RNF125: variants seen among roughly 807,000 people sequenced by gnomAD.
RNF125 encodes ring finger protein 125.
Under a neutral mutation model 26.0 loss-of-function variants are expected in RNF125, and 21 were observed. The ratio of observed to expected loss-of-function variants is 0.81; its 90% CI spans 0.57 to 1.16. The LOEUF (loss-of-function observed/expected upper bound fraction) is 1.16. Ranked by LOEUF, RNF125 falls within the 50% of genes most tolerant of loss-of-function variation. RNF125 has a pLI of 0.00. For missense variants in RNF125, 270 were observed against 299.4 expected (o/e 0.90, Z 0.72); for synonymous variants, 95 against 109.2 (o/e 0.87, Z 0.81).
chr18:32,046,214 C>CAAA lies in RNF125; in HGVS notation c.504+503_504+505dup, dbSNP rs768054716. Reference sequence around the variant, plus strand: ...CCTGGGCAACAGAGCAAGACTGTCTCAAAAAAAAAAAAAAAAAAAAAAAGA... The same window carrying CAAA: ...CCTGGGCAACAGAGCAAGACTGTCTCAAAAAAAAAAAAAAAAAAAAAAAAAAGA... On this transcript the variant is annotated intron_variant, in intron 4 of 5. Coordinates refer to ENST00000217740, the MANE Select transcript of RNF125 (RefSeq NM_017831.4). Among the ~76,000 whole-genome samples, 156 of 75,904 alleles carry CAAA rather than the reference C, an allele frequency of 2.1e-3. 1 individual carries two copies. Among genetic ancestry groups the CAAA allele is most frequent in the Non-Finnish European group, 2.3e-3 (99 of 43,312 alleles). 49.8% of individuals were successfully genotyped at this position (75,904 alleles called of 152,430 possible). A position where few individuals can be genotyped will look rare whatever the true frequency, so the allele number is the denominator to read the frequency against.
the RNF125 span, among the ~76,000 whole-genome samples, chr18:32,082,480 G>A: frequency 2.0e-5 from 3 of 152,182 alleles, no homozygotes; most frequent in South Asian, 6.2e-4. Flanking sequence ...TGTGAATTCA[G>A]ATCACCAGGC....
chr18:32,081,502 A>G, the RNF125 span, among the ~76,000 whole-genome samples: 2 of 152,278 alleles, frequency 1.3e-5, no homozygotes, highest in Non-Finnish European at 1.5e-5. Flanking sequence ...AGCACAGAAC[A>G]TTGTTTGCTT....
At position 32,026,671 on chromosome 18, in the gene RNF125, G is replaced by A. The variant is rs139917889; in HGVS notation, c.164+7644G>A. Among the ~76,000 whole-genome samples, 213 of 152,272 alleles carry A rather than the reference G, an allele frequency of 1.4e-3. 4 individuals carry two copies. The highest frequency in any genetic ancestry group is 4.8e-3 in the African/African-American group (201 of 41,548). ...CTCCTCACCTGTTTGGTTCCCAGCT[G>A]TAGCAGGAGGTATGTCTCTCTGGCC... On this transcript the variant is annotated intron_variant, in intron 1 of 5. Coordinates refer to ENST00000217740, the MANE Select transcript of RNF125 (RefSeq NM_017831.4).
At chr18:32,083,663 G>A in the RNF125 span, among the ~76,000 whole-genome samples, 1 of 152,134 alleles carries the variant, frequency 6.6e-6, no homozygotes, top group African/African-American at 2.4e-5. Flanking sequence ...TGTAATCCCA[G>A]CACTTTGGGA....
In RNF125 at chr18:32,068,417, A is replaced by G. The variant is rs147034251; in HGVS notation, c.*33A>G. On this transcript the variant is annotated 3_prime_UTR_variant, in exon 6 of 6. Transcript: ENST00000217740. ...AAAACGAAGGGAAAAGGGACCACTG[A>G]ATTGCACCATTTAAGATGCTGCTTG... 2.8e-5 allele frequency: 34 copies of G among 1,221,502 alleles called. No homozygotes were observed. Among genetic ancestry groups the G allele is most frequent in the Non-Finnish European group, 4.0e-5 (33 of 825,976 alleles). 75.7% of individuals were successfully genotyped at this position (1,221,502 alleles called of 1,614,324 possible).
At chr18:32,085,258 G>C in the RNF125 span, among the ~76,000 whole-genome samples, 2 of 152,128 alleles carry the variant, frequency 1.3e-5, no homozygotes, top group Admixed American at 1.3e-4. Flanking sequence ...TGACAGTGAA[G>C]CAAATACACA....
At chr18:32,078,640 T>TA in the RNF125 span, among the ~76,000 whole-genome samples, 12 of 144,738 alleles carry the variant, frequency 8.3e-5, no homozygotes, top group Non-Finnish European at 7.6e-5. Context: ...ACCAAATCTC[T>TA]AAAAAAAAAA....
intron 4 of RNF125, among the ~76,000 whole-genome samples, chr18:32,055,248 A>G (rs1290250113): frequency 1.3e-5 from 2 of 151,094 alleles, no homozygotes; most frequent in East Asian, 2.0e-4. Flanking sequence ...GCAGTGAGCT[A>G]TGATGGCACC....
downstream of RNF125, among the ~76,000 whole-genome samples, chr18:32,077,626 G>A (rs2039579172): frequency 6.6e-6 from 1 of 151,890 alleles, no homozygotes; most frequent in Non-Finnish European, 1.5e-5. Context: ...CTCCCAAATT[G>A]CTGGGATTAC....
intron 2 of RNF125, among the ~76,000 whole-genome samples, chr18:32,041,251 A>C (rs1259500861): frequency 2.0e-5 from 3 of 152,200 alleles, no homozygotes; most frequent in Non-Finnish European, 4.4e-5. Context: ...GCATTGATCA[A>C]AATGGACTGC....
chr18:32,033,449 C>T (rs1026134336), intron 1 of RNF125, among the ~76,000 whole-genome samples: 12 of 151,528 alleles, frequency 7.9e-5, no homozygotes, highest in Non-Finnish European at 1.6e-4. Context: ...TGTTTGAACT[C>T]AGGAGGTGGA....
At chr18:32,067,788 G>T (rs1470415822) in intron 5 of RNF125, among the ~76,000 whole-genome samples, 1 of 152,200 alleles carries the variant, frequency 6.6e-6, no homozygotes, top group Non-Finnish European at 1.5e-5. Flanking sequence ...GATTGCAGAG[G>T]ATAGGGTTCT....
intron 1 of RNF125, among the ~76,000 whole-genome samples, chr18:32,028,867 C>T (rs115689101): frequency 0.011 from 1,723 of 152,150 alleles, 27 homozygotes; most frequent in African/African-American, 0.037. Flanking sequence ...TTCTTTACCA[C>T]TAAGTTGCTT....
intron 4 of RNF125, among the ~76,000 whole-genome samples, chr18:32,061,867 T>C (rs1237942806): frequency 2.6e-5 from 4 of 152,130 alleles, no homozygotes; most frequent in Non-Finnish European, 5.9e-5. Context: ...TAATAGTAAA[T>C]GGTGTATTAT....
At chr18:32,077,173 A>C (rs1293590198), downstream of RNF125, among the ~76,000 whole-genome samples, 1 of 152,116 alleles carries the variant, frequency 6.6e-6, no homozygotes, top group Non-Finnish European at 1.5e-5. Flanking sequence ...ACACATATAC[A>C]TCATCAGTGT....
In RNF125 at chr18:32,041,926, G is replaced by T. The variant is rs561322886; in HGVS notation, c.319-253G>T. Reference sequence around the variant, plus strand: ...ATTACAGGCGTGAGCCACCGCGCCCGGCCGTATATGCTTTTTAGAAGAACC... The same window carrying T: ...ATTACAGGCGTGAGCCACCGCGCCCTGCCGTATATGCTTTTTAGAAGAACC... On this transcript the variant is annotated intron_variant, in intron 2 of 5. Transcript: ENST00000217740. 2.1e-4 allele frequency: 80 copies of T among 374,892 alleles called. 1 individual carries two copies. The highest frequency in any genetic ancestry group is 1.9e-3 in the South Asian group (77 of 40,048). 23.2% of individuals were successfully genotyped at this position (374,892 alleles called of 1,614,324 possible).
At chr18:32,085,416 A>AGAGAGAGAGAGAGAG in the RNF125 span, among the ~76,000 whole-genome samples, 25 of 125,062 alleles carry the variant, frequency 2.0e-4, no homozygotes, top group African/African-American at 5.6e-4. Context: ...AGAGAGAGAG[A>AGAGAGAGAGAGAGAG]AAGCTGGGTG....
At chr18:32,082,059 A>G in the RNF125 span, among the ~76,000 whole-genome samples, 4 of 152,184 alleles carry the variant, frequency 2.6e-5, no homozygotes, top group Non-Finnish European at 5.9e-5. Flanking sequence ...GTGGGAAGGA[A>G]TGAATGGAAT....
At chr18:32,061,448 G>T (rs1417659604) in intron 4 of RNF125, among the ~76,000 whole-genome samples, 1 of 152,208 alleles carries the variant, frequency 6.6e-6, no homozygotes, top group East Asian at 1.9e-4. Context: ...CCAAAACCAT[G>T]TCAGGTGCTT....
Sources: gnomAD v4.1 joint callset for allele counts (sites outside exome capture counted in the v4.1 genomes callset) on GRCh38, gnomAD v4.1.1 for gene constraint, MANE v1.5 for transcripts, NCBI Gene and HGNC (gene_info 2026-07-23, HGNC 2026-07-21) for gene names.